TANGO6: variants seen among roughly 807,000 people sequenced by gnomAD.
TANGO6 encodes the protein transport and golgi organization 6 homolog, also known as transport and Golgi organization protein 6 homolog.
Under a neutral mutation model 114.2 loss-of-function variants are expected in TANGO6, and 90 were observed. The ratio of observed to expected loss-of-function variants is 0.79; its 90% CI spans 0.66 to 0.94. The LOEUF (loss-of-function observed/expected upper bound fraction) is 0.94, where lower values mean the gene tolerates loss of function less well. Among genes scored for constraint, TANGO6 ranks in the 40% least tolerant of loss-of-function variants. The probability of loss-of-function intolerance (pLI) is 0.00; values close to 1 mark genes in which losing one functional copy is unlikely to be tolerated. For synonymous variants in TANGO6, 477 were observed against 509.8 expected (o/e 0.94, Z 0.87); for missense variants, 1,274 against 1,315.3 (o/e 0.97, Z 0.49).
At chr16:68,906,380 A>G (rs773451192) in intron 9 of TANGO6, among the ~76,000 whole-genome samples, 2 of 152,052 alleles carry the variant, frequency 1.3e-5, no homozygotes, top group Admixed American at 1.3e-4. Flanking sequence ...TCTGCTGCCC[A>G]TAACCCTTCA....
At chr16:68,846,090 A>G (rs1961797891) in intron 1 of TANGO6, among the ~76,000 whole-genome samples, 1 of 152,056 alleles carries the variant, frequency 6.6e-6, no homozygotes, top group Non-Finnish European at 1.5e-5. Context: ...CAGTGGCGCA[A>G]TCTCAGCTCA....
rs1962890660 is a variant in TANGO6 at position 68,909,211 on chromosome 16, G to C, written c.1801G>C (p.Glu601Gln). Residue 601 changes from glutamate (E) to glutamine (Q), a missense_variant and splice_region_variant, in exon 11 of 18, where the codon GAG becomes CAG. Glu to Gln is a conservative substitution (Grantham distance 29, BLOSUM62 2). Around this residue, in one of 5 missense-constraint regions of TANGO6, gnomAD observed 908 missense variants for 910.2 expected, o/e 1.00. Transcript: ENST00000261778. The part of the protein sequence containing the change: ...AGDFFIFCLK[E>Q]LTHVASENET... ...TTTTTCTTTCCTGCCATGCTTGTAG[G>C]AGTTGACTCATGTGGCCTCGGAAAA... 6.4e-7 allele frequency: 1 copy of C among 1,556,570 alleles called. No individual in the cohort carries two copies. Among genetic ancestry groups the C allele is most frequent in the African/African-American group, 1.4e-5 (1 of 72,816 alleles).
chr16:68,934,867 G>C (rs915201357), intron 14 of TANGO6, among the ~76,000 whole-genome samples: 1 of 152,074 alleles, frequency 6.6e-6, no homozygotes, highest in Non-Finnish European at 1.5e-5. Flanking sequence ...TTAGCCTCTA[G>C]GGCCTGCTAT....
chr16:69,063,799 C>CTTA (rs1380483921), intron 17 of TANGO6, among the ~76,000 whole-genome samples: 13 of 123,274 alleles, frequency 1.1e-4, no homozygotes, highest in South Asian at 4.9e-4. Context: ...TCTTCTTCTT[C>CTTA]TTCTTCTTCT....
chr16:68,915,010 G>C (rs944066598), intron 11 of TANGO6, among the ~76,000 whole-genome samples: 1 of 147,858 alleles, frequency 6.8e-6, no homozygotes, highest in Non-Finnish European at 1.5e-5. Context: ...CATATAGATA[G>C]TGGAGGATGG....
intron 11 of TANGO6, among the ~76,000 whole-genome samples, chr16:68,912,343 C>T (rs1962933881): frequency 6.6e-6 from 1 of 151,744 alleles, no homozygotes; most frequent in Admixed American, 6.6e-5. Flanking sequence ...ACTGAAAATA[C>T]AAAAACTAGA....
intron 11 of TANGO6, among the ~76,000 whole-genome samples, chr16:68,910,672 GT>G (rs1453787577): frequency 2.0e-5 from 3 of 152,108 alleles, no homozygotes; most frequent in Admixed American, 1.3e-4. Flanking sequence ...TTGGTATATT[GT>G]TTTGTTTTAT....
intron 12 of TANGO6, 115 bp from the exon 13 acceptor site, chr16:68,927,453 C>A: frequency 8.8e-7 from 1 of 1,133,772 alleles, no homozygotes; most frequent in Non-Finnish European, 1.3e-6. Flanking sequence ...CTGATTACAC[C>A]ATGAGCAAGA....
At chr16:68,922,619 C>T (rs1426498280) in intron 12 of TANGO6, among the ~76,000 whole-genome samples, 1 of 151,802 alleles carries the variant, frequency 6.6e-6, no homozygotes, top group African/African-American at 2.4e-5. Flanking sequence ...TTCTAAATTT[C>T]AGAGTTAGTC....
chr16:68,971,967 A>G lies in TANGO6; in HGVS notation c.2702-2061A>G, dbSNP rs74025349. ...ATTTTTTTCTATGCTACAATATTCC[A>G]TAACTCCGTGTTGAACCTCCAAGGA... On this transcript the variant is annotated intron_variant, in intron 14 of 17. Transcript: ENST00000261778. 5.6e-3 allele frequency among the ~76,000 whole-genome samples: 858 copies of G among 152,134 alleles called. 11 individuals are homozygous for G. The highest frequency in any genetic ancestry group is 0.02 in the African/African-American group (827 of 41,524).
intron 14 of TANGO6, among the ~76,000 whole-genome samples, chr16:68,959,991 T>G (rs1033585728): frequency 1.3e-5 from 2 of 152,228 alleles, no homozygotes; most frequent in African/African-American, 4.8e-5. Flanking sequence ...ATGTTTTGTT[T>G]TCTTACCTAA....
chr16:69,031,988 T>C (rs1015786486), intron 16 of TANGO6, among the ~76,000 whole-genome samples: 3 of 151,828 alleles, frequency 2.0e-5, no homozygotes, highest in Admixed American at 6.6e-5. Context: ...AGCAAAGATA[T>C]AAGGAAGCAA....
At chr16:69,048,993 G>A (rs1959904758) in intron 17 of TANGO6, among the ~76,000 whole-genome samples, 4 of 152,172 alleles carry the variant, frequency 2.6e-5, no homozygotes, top group South Asian at 4.1e-4. Flanking sequence ...CTGACCCGAA[G>A]GAGGTAAAAT....
chr16:68,860,758 A>G (rs1962081111), intron 2 of TANGO6, among the ~76,000 whole-genome samples: 1 of 152,118 alleles, frequency 6.6e-6, no homozygotes, highest in Non-Finnish European at 1.5e-5. Flanking sequence ...ATTTTGGGAA[A>G]CAGCTATAGC....
intron 14 of TANGO6, among the ~76,000 whole-genome samples, chr16:68,965,946 T>C (rs898108591): frequency 1.3e-5 from 2 of 151,858 alleles, no homozygotes; most frequent in Non-Finnish European, 2.9e-5. Context: ...AAGTGAACAA[T>C]TCAGACCAGG....
At chr16:68,973,468 AG>A (rs1445517409) in intron 14 of TANGO6, among the ~76,000 whole-genome samples, 1 of 152,084 alleles carries the variant, frequency 6.6e-6, no homozygotes, top group Non-Finnish European at 1.5e-5. Context: ...ACCCCTAAAA[AG>A]GTTGCTGAGT....
At chr16:68,968,338 A>G (rs186131826) in intron 14 of TANGO6, among the ~76,000 whole-genome samples, 39 of 150,954 alleles carry the variant, frequency 2.6e-4, no homozygotes, top group African/African-American at 9.5e-4. Flanking sequence ...TGCTGGGATT[A>G]CAGATGTCAG....
intron 14 of TANGO6, among the ~76,000 whole-genome samples, chr16:68,931,038 C>T (rs1963233425): frequency 6.6e-6 from 1 of 152,182 alleles, no homozygotes; most frequent in Admixed American, 6.5e-5. Context: ...AACTTTATTT[C>T]TCTTTTTATG....
intron 17 of TANGO6, among the ~76,000 whole-genome samples, chr16:69,081,693 A>T (rs1394507251): frequency 6.6e-6 from 1 of 152,100 alleles, no homozygotes; most frequent in African/African-American, 2.4e-5. Context: ...TCTTGCTAGA[A>T]GTTCTAGCTC....
Sources: allele counts gnomAD v4.1 joint callset (sites outside exome capture counted in the v4.1 genomes callset), GRCh38; gene constraint gnomAD v4.1.1; regional missense constraint gnomAD v4.1.1; transcripts MANE v1.5; gene names NCBI Gene and HGNC (gene_info 2026-07-23, HGNC 2026-07-21).